AGMO: variants seen among roughly 807,000 people sequenced by gnomAD.
The protein encoded by AGMO is glyceryl-ether monooxygenase.
Under a neutral mutation model 60.2 loss-of-function variants are expected in AGMO, and 75 were observed. That is an observed-to-expected ratio of 1.25 (90% confidence interval 1.03 to 1.51). The LOEUF is 1.51. Among genes scored for constraint, AGMO ranks in the 40% most tolerant of loss-of-function variants. The pLI is 0.00. For missense variants in AGMO, 763 were observed against 525.5 expected (o/e 1.45, Z -4.42); for synonymous variants, 261 against 177.1 (o/e 1.47, Z -3.76).
intron 5 of AGMO, among the ~76,000 whole-genome samples, chr7:15,398,267 TGC>T (rs2128488767): frequency 6.6e-6 from 1 of 152,172 alleles, no homozygotes; most frequent in South Asian, 2.1e-4. Flanking sequence ...CTTGGCTGAG[TGC>T]ACTATTTTTT....
chr7:15,217,575 G>A (rs1223330128), intron 12 of AGMO, among the ~76,000 whole-genome samples: 4 of 151,138 alleles, frequency 2.6e-5, no homozygotes, highest in Non-Finnish European at 5.9e-5. Context: ...ATAAATAGCA[G>A]GTAAATTTAA....
chr7:15,558,132 A>T (rs1047021995), intron 2 of AGMO, among the ~76,000 whole-genome samples: 2 of 151,388 alleles, frequency 1.3e-5, no homozygotes, highest in Non-Finnish European at 2.9e-5. Context: ...ACTGCTAAGC[A>T]AAAATATTGT....
intron 10 of AGMO, among the ~76,000 whole-genome samples, chr7:15,382,365 T>G (rs1583484263): frequency 6.6e-6 from 1 of 152,228 alleles, no homozygotes; most frequent in Non-Finnish European, 1.5e-5. Context: ...TCGGGGGAAG[T>G]GAGTACCACT....
rs575365604 is a variant in AGMO at position 15,260,047 on chromosome 7, G to C, written c.1264-58688C>G. 6.7e-4 allele frequency among the ~76,000 whole-genome samples: 101 copies of C among 150,036 alleles called. 1 individual carries two copies. Among genetic ancestry groups the C allele is most frequent in the African/African-American group, 2.4e-3 (96 of 40,832 alleles). On this transcript the variant is annotated intron_variant, in intron 12 of 12. Transcript: ENST00000342526. ...TGAAAAAAAAACCCAAAGTATTTAG[G>C]CAACAAATAGCATGATGAATAGAAT...
intron 12 of AGMO, among the ~76,000 whole-genome samples, chr7:15,301,559 C>CA (rs1784560091): frequency 6.6e-6 from 1 of 151,428 alleles, no homozygotes; most frequent in Admixed American, 6.6e-5. Flanking sequence ...TTTTCTAAAA[C>CA]CAATACAATA....
At chr7:15,543,568 T>A (rs754189753) in intron 3 of AGMO, among the ~76,000 whole-genome samples, 1 of 152,112 alleles carries the variant, frequency 6.6e-6, no homozygotes, top group African/African-American at 2.4e-5. Flanking sequence ...CTTACTATAA[T>A]AGAACACATT....
chr7:15,312,273 G>T (rs930128448), intron 12 of AGMO, among the ~76,000 whole-genome samples: 5 of 152,066 alleles, frequency 3.3e-5, no homozygotes, highest in African/African-American at 9.7e-5. Context: ...CAAGAAGCCA[G>T]ATGAATTCCA....
chr7:15,432,964 G>A lies in AGMO; in HGVS notation c.410-1856C>T, dbSNP rs568288464. ...ATGAATCCCCTAAAGTTTAAAAACC[G>A]CTTACAGATAGAGATCCTGAAGTAA... is the stretch of plus-strand genomic sequence containing the variant. On this transcript the variant is annotated intron_variant, in intron 3 of 12. Coordinates refer to ENST00000342526, the MANE Select transcript of AGMO (RefSeq NM_001004320.2). 3.9e-5 allele frequency among the ~76,000 whole-genome samples: 6 copies of A among 151,944 alleles called. No homozygotes were observed. In the East Asian group the frequency reaches 7.7e-4, roughly 20 times the overall value.
chr7:15,168,074 C>T, the AGMO span, among the ~76,000 whole-genome samples: 1 of 152,196 alleles, frequency 6.6e-6, no homozygotes, highest in Non-Finnish European at 1.5e-5. Context: ...CTGTTAGCCA[C>T]ACAGACATTT....
intron 12 of AGMO, among the ~76,000 whole-genome samples, chr7:15,258,167 G>T (rs1364207238): frequency 6.6e-6 from 1 of 152,070 alleles, no homozygotes; most frequent in Admixed American, 6.6e-5. Context: ...ATCATCTTTA[G>T]TTATGAGCCA....
At chr7:15,438,445 C>G (rs1781459660) in intron 3 of AGMO, among the ~76,000 whole-genome samples, 1 of 152,110 alleles carries the variant, frequency 6.6e-6, no homozygotes, top group African/African-American at 2.4e-5. Context: ...TAATAACTTA[C>G]ATAAAGTAAT....
intron 3 of AGMO, among the ~76,000 whole-genome samples, chr7:15,441,264 T>A (rs1781546073): frequency 1.3e-5 from 2 of 152,206 alleles, no homozygotes; most frequent in African/African-American, 4.8e-5. Context: ...AAAGTTGTCA[T>A]GATTAGATAA....
intron 12 of AGMO, among the ~76,000 whole-genome samples, chr7:15,336,418 CA>C (rs141362853): frequency 3.4e-4 from 48 of 140,562 alleles, no homozygotes; most frequent in South Asian, 2.1e-3. Flanking sequence ...CTCAATATGG[CA>C]AAAAAAAAAG....
chr7:15,514,515 A>T (rs1224480798), intron 3 of AGMO, among the ~76,000 whole-genome samples: 1 of 152,172 alleles, frequency 6.6e-6, no homozygotes, highest in African/African-American at 2.4e-5. Flanking sequence ...AGAGAAATTA[A>T]GGAATTTGTA....
intron 12 of AGMO, among the ~76,000 whole-genome samples, chr7:15,242,468 C>T (rs1687430303): frequency 6.6e-6 from 1 of 152,112 alleles, no homozygotes; most frequent in Admixed American, 6.5e-5. Context: ...ATGGTAATGT[C>T]AATAGTCTTA....
chr7:15,140,915 G>T, the AGMO span, among the ~76,000 whole-genome samples: 2 of 152,040 alleles, frequency 1.3e-5, no homozygotes, highest in Non-Finnish European at 2.9e-5. Context: ...TTATTCATGG[G>T]TATTTGTTTT....
At chr7:15,360,200 G>C (rs943099436) in intron 12 of AGMO, among the ~76,000 whole-genome samples, 3 of 152,224 alleles carry the variant, frequency 2.0e-5, no homozygotes, top group African/African-American at 7.2e-5. Context: ...AGCAGACAGA[G>C]GTACTCAAAA....
chr7:15,240,606 G>C (rs562552722), intron 12 of AGMO, among the ~76,000 whole-genome samples: 2 of 152,198 alleles, frequency 1.3e-5, no homozygotes, highest in Non-Finnish European at 2.9e-5. Context: ...ATCAACCTGA[G>C]AATGTTATAT....
At chr7:15,499,528 A>G (rs578217063) in intron 3 of AGMO, among the ~76,000 whole-genome samples, 40 of 151,906 alleles carry the variant, frequency 2.6e-4, no homozygotes, top group African/African-American at 9.2e-4. Context: ...GAAAACTGGC[A>G]CTCTCATGCA....
Sources: gnomAD v4.1 joint callset for allele counts (sites outside exome capture counted in the v4.1 genomes callset) on GRCh38, gnomAD v4.1.1 for gene constraint, MANE v1.5 for transcripts, NCBI Gene and HGNC (gene_info 2026-07-23, HGNC 2026-07-21) for gene names.